OR2T12: variants seen among roughly 807,000 people sequenced by gnomAD.
OR2T12 encodes the protein olfactory receptor 2T12.
For missense variants in OR2T12, 335 were observed against 404.3 expected, an observed-to-expected ratio of 0.83 and a Z score of 1.47; for synonymous variants, 127 against 160.5, an observed-to-expected ratio of 0.79 and a Z score of 1.58.
rs543175511 is a variant in OR2T12, at chr1:248,293,107, T to C, written c.*1509A>G. Reference sequence around the variant, plus strand: ...GACACTCTCTCCTGTCATCCTCAAGTCTTCCAAGGAGACAAGAGTTTACTG... The same window carrying C: ...GACACTCTCTCCTGTCATCCTCAAGCCTTCCAAGGAGACAAGAGTTTACTG... On this transcript the variant is annotated 3_prime_UTR_variant, in exon 3 of 3. Coordinates refer to ENST00000641276, the MANE Select transcript of OR2T12 (RefSeq NM_001004692.2). 6.6e-6 allele frequency: 1 copy of C among 152,136 alleles called. No homozygotes were observed. Among genetic ancestry groups the C allele is most frequent in the Non-Finnish European group, 1.5e-5 (1 of 68,002 alleles). The allele number at this position is 152,136 out of a possible 1,614,324, so 9.4% of individuals were successfully genotyped here.
At chr1:248,299,639 TA>T (rs1433051752) in intron 2 of OR2T12, among the ~76,000 whole-genome samples, 1 of 152,060 alleles carries the variant, frequency 6.6e-6, no homozygotes, top group African/African-American at 2.4e-5. Flanking sequence ...GACAGAAATT[TA>T]ACAAGGATAC....
In OR2T12 at chr1:248,293,861, T is replaced by C. The variant is rs966722604; in HGVS notation, c.*755A>G. 2.7e-5 allele frequency: 4 copies of C among 148,212 alleles called. No homozygotes were observed. Among genetic ancestry groups the C allele is most frequent in the Non-Finnish European group, 5.9e-5 (4 of 67,394 alleles). 9.2% of individuals were successfully genotyped at this position (148,212 alleles called of 1,614,324 possible). On this transcript the variant is annotated 3_prime_UTR_variant, in exon 3 of 3. Transcript: ENST00000641276. ...GCTCTTGGAAAAGATAAATATTACT[T>C]ATATAAAAAATTACATGAATTTAAA...
rs1659656653 is a variant in OR2T12 at position 248,293,140 on chromosome 1, T to C, written c.*1476A>G. On this transcript the variant is annotated 3_prime_UTR_variant, in exon 3 of 3. Transcript: ENST00000641276. ...GGAGACAAGAGTTTACTGAATAGCCTTCTCTTAAGACATGGGCTCAGGATC... is the reference window on the plus strand; with the variant it reads ...GGAGACAAGAGTTTACTGAATAGCCCTCTCTTAAGACATGGGCTCAGGATC... 1 of 152,106 alleles carries C rather than the reference T, an allele frequency of 6.6e-6. No homozygotes were observed. The highest frequency in any genetic ancestry group is 1.5e-5 in the Non-Finnish European group (1 of 67,978). 9.4% of individuals were successfully genotyped at this position (152,106 alleles called of 1,614,324 possible).
chr1:248,298,258 T>C (rs1049887832), intron 2 of OR2T12, among the ~76,000 whole-genome samples: 4 of 152,190 alleles, frequency 2.6e-5, no homozygotes, highest in Non-Finnish European at 4.4e-5. Context: ...TTTGCCAGTA[T>C]TTTATTGAGG....
rs1296973753 is a variant in OR2T12 at position 248,292,895 on chromosome 1, G to T, written c.*1721C>A. 6.6e-6 allele frequency: 1 copy of T among 152,024 alleles called. No homozygotes were observed. The highest frequency in any genetic ancestry group is 1.5e-5 in the Non-Finnish European group (1 of 67,952). The allele number at this position is 152,024 out of a possible 1,614,324, so 9.4% of individuals were successfully genotyped here. A position where few individuals can be genotyped will look rare whatever the true frequency, so the allele number is the denominator to read the frequency against. The stretch of plus-strand genomic sequence containing the variant: ...GTTCTAAAATAATTTCTCTGATGGT[G>T]CATGAACCTGGTATGAGTAATGAAA... On this transcript the variant is annotated 3_prime_UTR_variant, in exon 3 of 3. Coordinates refer to ENST00000641276, the MANE Select transcript of OR2T12 (RefSeq NM_001004692.2).
In OR2T12 at chr1:248,293,428, T is replaced by C. The variant is rs1260468848; in HGVS notation, c.*1188A>G. 1 of 152,190 alleles carries C rather than the reference T, an allele frequency of 6.6e-6. No homozygotes were observed. 9.4% of individuals were successfully genotyped at this position (152,190 alleles called of 1,614,324 possible). On this transcript the variant is annotated 3_prime_UTR_variant, in exon 3 of 3. Transcript: ENST00000641276. ...CATATGGGAAATATAGCCTTTATCA[T>C]AAAACTCTCTAAGACAATTTGATAT... is the stretch of plus-strand genomic sequence containing the variant.
At position 248,292,180 on chromosome 1, in the gene OR2T12, A is replaced by G. The variant is rs1572828543; in HGVS notation, c.*2436T>C. On this transcript the variant is annotated 3_prime_UTR_variant, in exon 3 of 3. Coordinates refer to ENST00000641276, the MANE Select transcript of OR2T12 (RefSeq NM_001004692.2). ...TAATGACTTAAAAATTACACATTAA[A>G]GAGAATATATAGGCAGTGTAAAGGA... 1 of 152,152 alleles carries G rather than the reference A, an allele frequency of 6.6e-6. No homozygotes were observed. The highest frequency in any genetic ancestry group is 1.5e-5 in the Non-Finnish European group (1 of 67,988). 9.4% of individuals were successfully genotyped at this position (152,152 alleles called of 1,614,324 possible). A position where few individuals can be genotyped will look rare whatever the true frequency, so the allele number is the denominator to read the frequency against.
chr1:248,298,681 TGG>T (rs1195128775), intron 2 of OR2T12, among the ~76,000 whole-genome samples: 7 of 151,692 alleles, frequency 4.6e-5, no homozygotes, highest in African/African-American at 1.7e-4. Flanking sequence ...TGTATTTCTG[TGG>T]GATCGGTGGT....
chr1:248,297,185 A>G (rs1159539929), intron 2 of OR2T12, among the ~76,000 whole-genome samples: 3 of 151,638 alleles, frequency 2.0e-5, no homozygotes, highest in Non-Finnish European at 4.4e-5. Context: ...GTTATTTCTG[A>G]GGGCTCTGTT....
rs1420533374 is a variant in OR2T12, at chr1:248,292,260, C to T, written c.*2356G>A. On this transcript the variant is annotated 3_prime_UTR_variant, in exon 3 of 3. Transcript: ENST00000641276. ...AATATCCAAGATTAGTTCAAAGCCT[C>T]ATCTTGATTCTGTGTTACTGGGTGC... 1 of 152,092 alleles carries T rather than the reference C, an allele frequency of 6.6e-6. No homozygotes were observed. Among genetic ancestry groups the T allele is most frequent in the Non-Finnish European group, 1.5e-5 (1 of 67,954 alleles). 9.4% of individuals were successfully genotyped at this position (152,092 alleles called of 1,614,324 possible).
intron 2 of OR2T12, among the ~76,000 whole-genome samples, chr1:248,299,821 T>C (rs2103039571): frequency 6.6e-6 from 1 of 152,182 alleles, no homozygotes; most frequent in Middle Eastern, 3.4e-3. Context: ...AGAACAGAAA[T>C]TATAACAAAC....
At position 248,294,391 on chromosome 1, in the gene OR2T12, G is replaced by C. The variant is rs567393304; in HGVS notation, c.*225C>G. ...AAAAGAAAACTTATATCATGGGGTTGTTGTAGGATACAAAGTAATCTATAG... is the reference window on the plus strand; with the variant it reads ...AAAAGAAAACTTATATCATGGGGTTCTTGTAGGATACAAAGTAATCTATAG... On this transcript the variant is annotated 3_prime_UTR_variant, in exon 3 of 3. Transcript: ENST00000641276. The C allele has an allele frequency of 2.4e-5, 12 of 492,418 alleles. No homozygotes were observed. Among genetic ancestry groups the C allele is most frequent in the African/African-American group, 1.9e-4 (10 of 51,784 alleles). The allele number at this position is 492,418 out of a possible 1,614,324, so 30.5% of individuals were successfully genotyped here.
rs191491813 is a variant in OR2T12, at chr1:248,296,152, A to G, written c.-8-566T>C. On this transcript the variant is annotated intron_variant, in intron 2 of 2. Coordinates refer to ENST00000641276, the MANE Select transcript of OR2T12 (RefSeq NM_001004692.2). ...AGTTTACTGAGAATGATGATTTCCAATTTCATCCATGTCTCTACAAAGGAC... is the reference window on the plus strand; with the variant it reads ...AGTTTACTGAGAATGATGATTTCCAGTTTCATCCATGTCTCTACAAAGGAC... Among the ~76,000 whole-genome samples the G allele has an allele frequency of 6.7e-3, 1,021 of 152,126 alleles. 8 individuals carry two copies. The highest frequency in any genetic ancestry group is 0.024 in the Middle Eastern group (7 of 294).
Position 248,294,375 on chromosome 1 carries a change from C to A in OR2T12, c.*241G>T. On this transcript the variant is annotated 3_prime_UTR_variant, in exon 3 of 3. Transcript: ENST00000641276. ...GAGTTTGCAAAAGAAAAAAAGAAAACTTATATCATGGGGTTGTTGTAGGAT... is the reference window on the plus strand; with the variant it reads ...GAGTTTGCAAAAGAAAAAAAGAAAAATTATATCATGGGGTTGTTGTAGGAT... 2 of 407,288 alleles carry A rather than the reference C, an allele frequency of 4.9e-6. No individual in the cohort carries two copies. The highest frequency in any genetic ancestry group is 8.4e-6 in the Non-Finnish European group (2 of 239,178). The allele number at this position is 407,288 out of a possible 1,614,324, so 25.2% of individuals were successfully genotyped here.
rs371328526 is a variant in OR2T12 at position 248,294,694 on chromosome 1, G to C, written c.885C>G (p.Val295=). Residue 295 remains valine (V), a synonymous_variant, in exon 3 of 3, where the codon GTC becomes GTG. Transcript: ENST00000641276. ...PLIYSVRNSE[V]KEALKRWLGT... ...CCAGCCACCGTTTCAGGGCTTCCTT[G>C]ACCTCACTGTTCCTCACACTGTAGA... is the stretch of plus-strand genomic sequence containing the variant. The C allele has an allele frequency of 1.7e-5, 28 of 1,613,932 alleles. No homozygotes were observed. The highest frequency in any genetic ancestry group is 1.1e-4 in the African/African-American group (8 of 74,864).
At chr1:248,302,456 T>C (rs997002310) in intron 1 of OR2T12, among the ~76,000 whole-genome samples, 2 of 152,144 alleles carry the variant, frequency 1.3e-5, no homozygotes, top group Non-Finnish European at 2.9e-5. Context: ...AAAGTTTACA[T>C]GATCAGAGAG....
At chr1:248,299,336 G>T (rs1232395173) in intron 2 of OR2T12, among the ~76,000 whole-genome samples, 2 of 152,026 alleles carry the variant, frequency 1.3e-5, no homozygotes, top group African/African-American at 4.8e-5. Context: ...AAAGGATGGA[G>T]GAAGATCTAC....
rs1369269927 is a variant in OR2T12 at position 248,295,160 on chromosome 1, A to T, written c.419T>A (p.Leu140Gln). 6.2e-7 allele frequency: 1 copy of T among 1,608,404 alleles called. No individual in the cohort carries two copies. Among genetic ancestry groups the T allele is most frequent in the East Asian group, 2.2e-5 (1 of 44,836 alleles). The change falls in exon 3 of 3, where the codon CTG becomes CAG. Residue 140 changes from leucine to glutamine, a missense_variant. Physicochemically the swap from Leu to Gln is moderately radical, Grantham distance 113 (BLOSUM62 -2). Coordinates refer to ENST00000641276, the MANE Select transcript of OR2T12 (RefSeq NM_001004692.2). ...GAGCCAGGACGACATGGTCATCCTC[A>T]GGCACAGCTGCCAGCTCATGAGAGT... ...YPTLMSWQLC[L>Q]RMTMSSWLLG...
rs1183323474 is a variant in OR2T12, at chr1:248,293,407, T to C, written c.*1209A>G. The C allele has an allele frequency of 6.6e-6, 1 of 152,148 alleles. No homozygotes were observed. 9.4% of individuals were successfully genotyped at this position (152,148 alleles called of 1,614,324 possible). ...TTATTTCTTAAGTGTGTTTTACATATGGGAAATATAGCCTTTATCATAAAA... is the reference window on the plus strand; with the variant it reads ...TTATTTCTTAAGTGTGTTTTACATACGGGAAATATAGCCTTTATCATAAAA... On this transcript the variant is annotated 3_prime_UTR_variant, in exon 3 of 3. Coordinates refer to ENST00000641276, the MANE Select transcript of OR2T12 (RefSeq NM_001004692.2).
Sources: allele counts gnomAD v4.1 joint callset (sites outside exome capture counted in the v4.1 genomes callset), GRCh38; gene constraint gnomAD v4.1.1; transcripts MANE v1.5; gene names NCBI Gene and HGNC (gene_info 2026-07-23, HGNC 2026-07-21).